ROBO2: variants seen among roughly 807,000 people sequenced by gnomAD.
ROBO2 encodes the protein roundabout homolog 2.
In ROBO2, 53 loss-of-function variants were observed where a neutral mutation model predicts 160.8. The ratio of observed to expected loss-of-function variants is 0.33; its 90% CI spans 0.26 to 0.41. ROBO2 has a LOEUF of 0.41. ROBO2 is among the 10% of genes least tolerant of loss of function. The probability of loss-of-function intolerance (pLI) is 1.00; values close to 1 mark genes in which losing one functional copy is unlikely to be tolerated. For missense variants in ROBO2, 1,577 were observed against 1,722.4 expected (o/e 0.92, Z 1.49); for synonymous variants, 664 against 611.7 (o/e 1.09, Z -1.26).
intron 2 of ROBO2, among the ~76,000 whole-genome samples, chr3:76,956,621 T>C (rs2079290418): frequency 6.6e-6 from 1 of 151,674 alleles, no homozygotes; most frequent in Admixed American, 6.6e-5. Context: ...ATTGGTATTT[T>C]CCCCAAGGAA....
intron 2 of ROBO2, among the ~76,000 whole-genome samples, chr3:76,378,354 G>A (rs535965908): frequency 1.5e-4 from 23 of 152,094 alleles, no homozygotes; most frequent in Non-Finnish European, 2.4e-4. Context: ...TAATATTAGA[G>A]ATTTATTGAT....
intron 2 of ROBO2, among the ~76,000 whole-genome samples, chr3:77,307,356 G>C (rs549722028): frequency 1.4e-4 from 21 of 152,262 alleles, no homozygotes; most frequent in Non-Finnish European, 2.2e-4. Context: ...AATTAAGCTA[G>C]CTATTTTAAA....
chr3:77,645,576 G>A (rs2095404912), intron 25 of ROBO2, among the ~76,000 whole-genome samples: 2 of 152,058 alleles, frequency 1.3e-5, no homozygotes, highest in South Asian at 4.1e-4. Flanking sequence ...CATATTTGCT[G>A]AATATTTTTA....
chr3:76,421,498 G>A (rs2075993822), intron 2 of ROBO2, among the ~76,000 whole-genome samples: 1 of 150,902 alleles, frequency 6.6e-6, no homozygotes, highest in Non-Finnish European at 1.5e-5. Context: ...AGGCTGAGGT[G>A]GGAGGATTGC....
At chr3:77,250,885 A>G (rs560633932) in intron 2 of ROBO2, among the ~76,000 whole-genome samples, 1 of 152,288 alleles carries the variant, frequency 6.6e-6, no homozygotes, top group East Asian at 1.9e-4. Context: ...CGGAGTCTTC[A>G]TGACTTAATC....
chr3:77,593,940 T>C (rs912478049), intron 17 of ROBO2, among the ~76,000 whole-genome samples: 7 of 152,148 alleles, frequency 4.6e-5, no homozygotes, highest in African/African-American at 1.7e-4. Context: ...CTTCCAAAGA[T>C]AGGGTTTATT....
At chr3:77,184,288 A>G (rs926980631) in intron 2 of ROBO2, among the ~76,000 whole-genome samples, 1 of 152,062 alleles carries the variant, frequency 6.6e-6, no homozygotes, top group South Asian at 2.1e-4. Context: ...AAAACTAGAA[A>G]TACAGTCATT....
rs867440876 is a variant in ROBO2, at chr3:77,213,790, G to A, written c.388+115450G>A. 1.5e-3 allele frequency among the ~76,000 whole-genome samples: 231 copies of A among 152,018 alleles called. 2 individuals carry two copies. Among genetic ancestry groups the A allele is most frequent in the Middle Eastern group, 0.01 (3 of 294 alleles). On this transcript the variant is annotated intron_variant, in intron 2 of 25. Transcript: ENST00000461745. Reference sequence around the variant, plus strand: ...TCTGGTATGTTGTGTCTTTGTTCTCGTTGGTTTCAAAGAACATCTTTATTT... The same window carrying A: ...TCTGGTATGTTGTGTCTTTGTTCTCATTGGTTTCAAAGAACATCTTTATTT...
intron 2 of ROBO2, among the ~76,000 whole-genome samples, chr3:75,987,553 T>C (rs2065448593): frequency 6.6e-6 from 1 of 151,936 alleles, no homozygotes; most frequent in Admixed American, 6.6e-5. Context: ...GTCTTTTCCT[T>C]GCCTGATTTC....
chr3:76,513,495 A>G (rs2081201523), intron 2 of ROBO2, among the ~76,000 whole-genome samples: 1 of 152,142 alleles, frequency 6.6e-6, no homozygotes. Flanking sequence ...CAGCTGGTCT[A>G]CAGGCTCACA....
At chr3:76,966,526 T>C (rs749098262) in intron 2 of ROBO2, among the ~76,000 whole-genome samples, 2 of 152,162 alleles carry the variant, frequency 1.3e-5, no homozygotes, top group Non-Finnish European at 2.9e-5. Flanking sequence ...GTCTTAATCA[T>C]CGGAGTAAAG....
chr3:77,112,193 C>CAAAA (rs373201643), intron 2 of ROBO2, among the ~76,000 whole-genome samples: 1 of 68,690 alleles, frequency 1.5e-5, no homozygotes, highest in Non-Finnish European at 2.5e-5. Flanking sequence ...AGACTCGTCT[C>CAAAA]AAAAAAAAAA....
chr3:76,639,939 C>T (rs2090564621), intron 2 of ROBO2, among the ~76,000 whole-genome samples: 1 of 152,052 alleles, frequency 6.6e-6, no homozygotes, highest in Non-Finnish European at 1.5e-5. Flanking sequence ...TACTATAAAG[C>T]TAAAGACTAA....
chr3:76,828,883 A>G (rs1253111950), intron 2 of ROBO2, among the ~76,000 whole-genome samples: 1 of 152,040 alleles, frequency 6.6e-6, no homozygotes, highest in Non-Finnish European at 1.5e-5. Context: ...ACAGAAAAAA[A>G]AAAGATCTTT....
chr3:76,010,351 G>A (rs1327397238), intron 2 of ROBO2, among the ~76,000 whole-genome samples: 1 of 152,230 alleles, frequency 6.6e-6, no homozygotes, highest in African/African-American at 2.4e-5. Context: ...GCAAATCAGA[G>A]CACAGGCTCA....
intron 2 of ROBO2, among the ~76,000 whole-genome samples, chr3:76,465,301 TA>T (rs1418622404): frequency 1.3e-5 from 2 of 152,072 alleles, no homozygotes; most frequent in African/African-American, 4.8e-5. Context: ...TGAGTTATGT[TA>T]AAACGTACAT....
intron 2 of ROBO2, among the ~76,000 whole-genome samples, chr3:76,692,828 G>A (rs1300530219): frequency 1.3e-5 from 2 of 151,766 alleles, no homozygotes; most frequent in African/African-American, 4.8e-5. Flanking sequence ...ATAGAGAAAT[G>A]TATTATTCAG....
At chr3:76,459,087 T>A (rs1446913117) in intron 2 of ROBO2, among the ~76,000 whole-genome samples, 1 of 151,664 alleles carries the variant, frequency 6.6e-6, no homozygotes, top group Admixed American at 6.5e-5. Context: ...GCTTTGTTAT[T>A]TGTTTACATG....
chr3:76,978,935 TTTG>T (rs1331688569), intron 2 of ROBO2, among the ~76,000 whole-genome samples: 25 of 149,130 alleles, frequency 1.7e-4, no homozygotes, highest in East Asian at 6.0e-4. Flanking sequence ...TGTTTGTTTG[TTTG>T]TTTTTTAAAA....
Sources: allele counts gnomAD v4.1 joint callset (sites outside exome capture counted in the v4.1 genomes callset), GRCh38; gene constraint gnomAD v4.1.1; transcripts MANE v1.5; gene names NCBI Gene and HGNC (gene_info 2026-07-23, HGNC 2026-07-21).